The following MTA3 variants were observed in gnomAD, a reference collection of about 807,000 sequenced individuals.
MTA3 encodes metastasis-associated protein MTA3.
Under a neutral mutation model 83.5 loss-of-function variants are expected in MTA3, and 34 were observed. That is an observed-to-expected ratio of 0.41 (90% CI 0.31 to 0.54). The LOEUF (loss-of-function observed/expected upper bound fraction) is 0.54. Ranked by LOEUF, MTA3 falls within the 20% of genes least tolerant of loss-of-function variation. The pLI, the probability that MTA3 is intolerant of heterozygous loss-of-function variation, is 0.33. For synonymous variants in MTA3, 303 were observed against 252.7 expected (o/e 1.20, Z -1.89); for missense variants, 761 against 726.4 (o/e 1.05, Z -0.55).
At chr2:42,566,709 A>G (rs1677925012), upstream of MTA3, among the ~76,000 whole-genome samples, 1 of 152,230 alleles carries the variant, frequency 6.6e-6, no homozygotes, top group African/African-American at 2.4e-5. Context: ...CACACAATGA[A>G]TTAACAAAAA....
intron 4 of MTA3, among the ~76,000 whole-genome samples, chr2:42,635,531 G>A (rs1687100014): frequency 6.6e-6 from 1 of 152,064 alleles, no homozygotes; most frequent in Non-Finnish European, 1.5e-5. Context: ...GAGAGGCTGA[G>A]TCAGCAGAAT....
At chr2:42,508,829 A>G (rs1674763297) in intron 2 of MTA3, among the ~76,000 whole-genome samples, 1 of 146,898 alleles carries the variant, frequency 6.8e-6, no homozygotes, top group South Asian at 2.1e-4. Flanking sequence ...TATATATGAT[A>G]TATAATATTA....
chr2:42,667,500 A>G (rs1227892623), intron 8 of MTA3, among the ~76,000 whole-genome samples: 1 of 150,412 alleles, frequency 6.6e-6, no homozygotes, highest in Non-Finnish European at 1.5e-5. Flanking sequence ...TTACTGGCTT[A>G]TTTTCACTTA....
chr2:42,546,787 A>G (rs1676777726), intron 2 of MTA3, among the ~76,000 whole-genome samples: 1 of 152,208 alleles, frequency 6.6e-6, no homozygotes. Flanking sequence ...CTGTGGCGGT[A>G]ACAGAAGGGG....
chr2:42,569,833 AC>A (rs749363480), intron 1 of MTA3: 1 of 151,866 alleles, frequency 6.6e-6, no homozygotes, highest in Non-Finnish European at 1.5e-5. Flanking sequence ...TGCTGATATC[AC>A]CCCCAGAACA....
At chr2:42,635,911 G>C (rs551618055) in intron 4 of MTA3, among the ~76,000 whole-genome samples, 1 of 151,884 alleles carries the variant, frequency 6.6e-6, no homozygotes, top group Non-Finnish European at 1.5e-5. Context: ...GATTACAGGC[G>C]TGCACCACCA....
chr2:42,732,256 C>T (rs1272231818), intron 16 of MTA3, among the ~76,000 whole-genome samples: 2 of 152,330 alleles, frequency 1.3e-5, no homozygotes, highest in East Asian at 3.9e-4. Context: ...CCAGGCATTT[C>T]CATACATCTT....
intron 2 of MTA3, among the ~76,000 whole-genome samples, chr2:42,558,118 T>G (rs1000362244): frequency 6.6e-6 from 1 of 152,084 alleles, no homozygotes; most frequent in Admixed American, 6.6e-5. Flanking sequence ...TTGGGACCGG[T>G]ACTTCCCTGA....
rs534750408 is a variant in MTA3, at chr2:42,585,582, C to T, written c.190+6382C>T. On this transcript the variant is annotated intron_variant, in intron 3 of 16. Coordinates refer to ENST00000405094, the MANE Select transcript of MTA3 (RefSeq NM_001330442.2). ...CTCCGCCTCGTGGGTTCAAGTGATT[C>T]GCCTGCCTCAGCCTTCTGAGTAGCT... Among the ~76,000 whole-genome samples, 7 of 148,470 alleles carry T rather than the reference C, an allele frequency of 4.7e-5. No homozygotes were observed. The East Asian group carries it at 6.0e-4, about 13-fold the overall frequency.
At chr2:42,536,926 T>C (rs1220845012) in intron 2 of MTA3, among the ~76,000 whole-genome samples, 2 of 149,868 alleles carry the variant, frequency 1.3e-5, no homozygotes, top group African/African-American at 4.9e-5. Context: ...CCAACACAGG[T>C]ATCCCGGATC....
intron 4 of MTA3, among the ~76,000 whole-genome samples, chr2:42,620,623 G>C (rs567513081): frequency 6.6e-6 from 1 of 152,120 alleles, no homozygotes; most frequent in Non-Finnish European, 1.5e-5. Context: ...CTCCCAATTA[G>C]CTTGGACCAC....
chr2:42,748,223 G>C (rs187973130), intron 16 of MTA3, among the ~76,000 whole-genome samples: 107 of 151,562 alleles, frequency 7.1e-4, no homozygotes, highest in African/African-American at 2.4e-3. Flanking sequence ...GTGTGTGTGT[G>C]TGTGTGTGTG....
intron 2 of MTA3, chr2:42,532,805 CT>C: frequency 2.6e-6 from 1 of 383,972 alleles, no homozygotes; most frequent in Admixed American, 2.8e-5. Context: ...GCTCGGGCTC[CT>C]TCCCATTGGT....
intron 3 of MTA3, among the ~76,000 whole-genome samples, chr2:42,597,131 C>T (rs910668098): frequency 7.9e-5 from 12 of 151,838 alleles, no homozygotes; most frequent in Non-Finnish European, 7.4e-5. Context: ...AGGCGGGTTT[C>T]GAAATCCTGA....
chr2:42,748,032 GT>G (rs1669571263), intron 16 of MTA3, among the ~76,000 whole-genome samples: 1 of 151,708 alleles, frequency 6.6e-6, no homozygotes. Context: ...TCTAGAATTA[GT>G]TTTTTGTTTT....
chr2:42,627,181 G>A (rs572176562), intron 4 of MTA3, among the ~76,000 whole-genome samples: 18 of 152,020 alleles, frequency 1.2e-4, no homozygotes, highest in Non-Finnish European at 1.8e-4. Context: ...GGGCTCAAGC[G>A]ATCCTCTCAC....
intron 16 of MTA3, among the ~76,000 whole-genome samples, chr2:42,736,801 C>T (rs1328278520): frequency 6.6e-6 from 1 of 152,202 alleles, no homozygotes; most frequent in African/African-American, 2.4e-5. Flanking sequence ...GATACCACTG[C>T]TGATTATTCA....
intron 8 of MTA3, among the ~76,000 whole-genome samples, chr2:42,671,996 C>T (rs1019767513): frequency 2.0e-5 from 3 of 152,202 alleles, no homozygotes; most frequent in African/African-American, 2.4e-5. Flanking sequence ...TCAACTATTA[C>T]ACTTTTCAGA....
chr2:42,517,047 G>A (rs1675175625), intron 2 of MTA3, among the ~76,000 whole-genome samples: 1 of 152,198 alleles, frequency 6.6e-6, no homozygotes, highest in Non-Finnish European at 1.5e-5. Context: ...ATCACCTGAG[G>A]TGAGGAGTTT....
Sources: gnomAD v4.1 joint callset for allele counts (sites outside exome capture counted in the v4.1 genomes callset) on GRCh38, gnomAD v4.1.1 for gene constraint, MANE v1.5 for transcripts, NCBI Gene and HGNC (gene_info 2026-07-23, HGNC 2026-07-21) for gene names.